The following BRWD3 variants were observed in gnomAD, a reference collection of about 807,000 sequenced individuals.
The protein encoded by BRWD3 is bromodomain and WD repeat-containing protein 3.
Under a neutral mutation model 149.7 loss-of-function variants are expected in BRWD3, and 10 were observed. The ratio of observed to expected loss-of-function variants is 0.07; its 90% CI spans 0.04 to 0.11. The LOEUF (loss-of-function observed/expected upper bound fraction) is 0.11. BRWD3 is among the 10% of genes least tolerant of loss of function. The pLI is 1.00. For missense variants in BRWD3, 940 were observed against 1,373.2 expected, an observed-to-expected ratio of 0.68 and a Z score of 4.99; for synonymous variants, 504 against 456.7, an observed-to-expected ratio of 1.10 and a Z score of -1.32.
At chrX:80,754,852 C>CA (rs1238714993) in intron 6 of BRWD3, among the ~76,000 whole-genome samples, 4 of 110,860 alleles carry the variant, frequency 3.6e-5, no homozygotes, top group Non-Finnish European at 5.7e-5. Context: ...ACTAAAATAA[C>CA]AAAAAATTAG....
At chrX:80,789,823 T>C (rs2074159564) in intron 6 of BRWD3, among the ~76,000 whole-genome samples, 1 of 106,266 alleles carries the variant, frequency 9.4e-6, no homozygotes, top group Admixed American at 1.0e-4. Flanking sequence ...TGGAACTCCT[T>C]TTTTTTTTTT....
chrX:80,730,089 G>A (rs1452805846), intron 12 of BRWD3, 69 bp from the exon 13 acceptor site: 9 of 733,025 alleles, frequency 1.2e-5, no homozygotes, highest in Admixed American at 2.5e-5. Flanking sequence ...GATAATATAA[G>A]TAACACATTA....
intron 14 of BRWD3, among the ~76,000 whole-genome samples, chrX:80,725,987 A>C (rs73504605): frequency 2.0e-5 from 2 of 100,584 alleles, no homozygotes; most frequent in East Asian, 6.4e-4. Flanking sequence ...TTATATGTCT[A>C]TATAACATAA....
rs774462148 is a variant in BRWD3, at chrX:80,684,529, T to C, written c.4081-367A>G. On this transcript the variant is annotated intron_variant, in intron 36 of 40. Coordinates refer to ENST00000373275, the MANE Select transcript of BRWD3 (RefSeq NM_153252.5). ...ATGGGATTATTCACATATGATTAAA[T>C]TGTTCCACTCTACAAATTAGGCACA... is the stretch of plus-strand genomic sequence containing the variant. Among the ~76,000 whole-genome samples, 164 of 112,198 alleles carry C rather than the reference T, an allele frequency of 1.5e-3. 1 individual carries two copies. The highest frequency in any genetic ancestry group is 2.7e-3 in the Non-Finnish European group (146 of 53,103).
intron 7 of BRWD3, 95 bp from the exon 8 acceptor site, chrX:80,744,348 C>G: frequency 1.6e-6 from 1 of 633,568 alleles, no homozygotes; most frequent in South Asian, 2.5e-5. Flanking sequence ...TATTAAATTA[C>G]TTCTAAGCCT....
intron 6 of BRWD3, among the ~76,000 whole-genome samples, chrX:80,772,126 G>C (rs139381903): frequency 1.8e-5 from 2 of 111,495 alleles, no homozygotes; most frequent in African/African-American, 6.5e-5. Flanking sequence ...GGGTATATAC[G>C]CAAAGGATTA....
At chrX:80,773,116 T>C (rs1326622858) in intron 6 of BRWD3, among the ~76,000 whole-genome samples, 2 of 111,516 alleles carry the variant, frequency 1.8e-5, no homozygotes, top group Non-Finnish European at 3.8e-5. Context: ...TATAAAAGAG[T>C]AACATGATGA....
chrX:80,748,619 CTTTTG>C (rs769327320), intron 6 of BRWD3, among the ~76,000 whole-genome samples: 104 of 111,217 alleles, frequency 9.4e-4, no homozygotes, highest in Non-Finnish European at 4.5e-4. Context: ...TGAGTCTTTT[CTTTTG>C]TTTTTTTTCC....
Position 80,809,740 on chromosome X carries a change from G to GA in BRWD3, c.-270dup. ...GTGAGTGAGAGAGAGAGAGAGAAGA[G>GA]AGAGAGAGAGAGAGGAAAAAGAGAG... is the stretch of plus-strand genomic sequence containing the variant. On this transcript the variant is annotated 5_prime_UTR_variant, in exon 1 of 41. Coordinates refer to ENST00000373275, the MANE Select transcript of BRWD3 (RefSeq NM_153252.5). 6 of 146,176 alleles carry GA rather than the reference G, an allele frequency of 4.1e-5. No homozygotes were observed. In the East Asian group the frequency reaches 6.6e-4, roughly 16 times the overall value. 12.0% of individuals were successfully genotyped at this position (146,176 alleles called of 1,213,427 possible). A position where few individuals can be genotyped will look rare whatever the true frequency, so the allele number is the denominator to read the frequency against.
At chrX:80,727,132 T>C (rs1334409106) in intron 14 of BRWD3, among the ~76,000 whole-genome samples, 2 of 110,269 alleles carry the variant, frequency 1.8e-5, no homozygotes, top group Non-Finnish European at 3.8e-5. Flanking sequence ...GCCATATTTG[T>C]ATTTAGTAAG....
At position 80,742,545 on chromosome X, in the gene BRWD3, C is replaced by A. The variant is rs1171085687; in HGVS notation, c.813+1487G>T. On this transcript the variant is annotated intron_variant, in intron 8 of 40. Coordinates refer to ENST00000373275, the MANE Select transcript of BRWD3 (RefSeq NM_153252.5). ...TACCCATGAGCATGGAATGTTCTTC[C>A]ATTTGTTTGTATCCTCTTTTATTTC... Among the ~76,000 whole-genome samples, 6 of 110,249 alleles carry A rather than the reference C, an allele frequency of 5.4e-5. No homozygotes were observed. The East Asian group carries it at 1.7e-3, about 31-fold the overall frequency.
At chrX:80,712,283 T>A in intron 20 of BRWD3, among the ~76,000 whole-genome samples, 1 of 110,880 alleles carries the variant, frequency 9.0e-6, no homozygotes, top group Admixed American at 9.5e-5. Flanking sequence ...CGAGTGCCTG[T>A]GATTGCAGGC....
chrX:80,741,847 C>T (rs1602381465), intron 8 of BRWD3, among the ~76,000 whole-genome samples: 1 of 111,644 alleles, frequency 9.0e-6, no homozygotes, highest in East Asian at 2.8e-4. Context: ...AAACTTTCTC[C>T]CATTCTGTAG....
chrX:80,798,474 C>G (rs1288480911), intron 4 of BRWD3, among the ~76,000 whole-genome samples: 2 of 111,060 alleles, frequency 1.8e-5, no homozygotes, highest in Non-Finnish European at 1.9e-5. Context: ...ATAAACCACT[C>G]TTTTTGTTTA....
intron 12 of BRWD3, among the ~76,000 whole-genome samples, chrX:80,731,857 T>G (rs1013942881): frequency 1.2e-4 from 11 of 88,762 alleles, no homozygotes; most frequent in Non-Finnish European, 1.7e-4. Context: ...ATCACACCAC[T>G]GCACTCCAGC....
chrX:80,785,679 C>T (rs761933323), intron 6 of BRWD3, among the ~76,000 whole-genome samples: 5 of 112,004 alleles, frequency 4.5e-5, no homozygotes, highest in Non-Finnish European at 9.4e-5. Context: ...TAAAGTGAGT[C>T]GCTAAAATCA....
Position 80,704,696 on chromosome X carries a change from A to G in BRWD3, c.2703T>C (p.Pro901=). 1.7e-6 allele frequency: 2 copies of G among 1,211,216 alleles called. No individual in the cohort carries two copies. The highest frequency in any genetic ancestry group is 2.2e-6 in the Non-Finnish European group (2 of 895,007). Residue 901 remains proline, a synonymous_variant, in exon 23 of 41, where the codon CCT becomes CCC. Transcript: ENST00000373275. Reference sequence around the variant, plus strand: ...TACAAACCTTCTTTCTAGTCTGCTTAGGTTTCTTCTGCCTTTCTTCTAGGG... The same window carrying G: ...TACAAACCTTCTTTCTAGTCTGCTTGGGTTTCTTCTGCCTTTCTTCTAGGG... ...LKSLEERQKK[P]KQTRKKKGGL...
chrX:80,707,458 C>A lies in BRWD3; in HGVS notation c.2521G>T (p.Val841Phe). Residue 841 changes from valine (V) to phenylalanine (F), a missense_variant, in exon 22 of 41, where the codon GTT (valine) becomes TTT (phenylalanine). Coordinates refer to ENST00000373275, the MANE Select transcript of BRWD3 (RefSeq NM_153252.5). The stretch of plus-strand genomic sequence containing the variant: ...GAACTTTCACTTTGCCATTCAACAA[C>A]AGGATCCTCTACCGAAGCGTCACTT... The part of the protein sequence containing the change: ...GTSDASVEDP[V>F]VEWQSESSSS... 1 of 1,211,871 alleles carries A rather than the reference C, an allele frequency of 8.3e-7. No homozygotes were observed. The highest frequency in any genetic ancestry group is 1.1e-6 in the Non-Finnish European group (1 of 895,289).
intron 6 of BRWD3, among the ~76,000 whole-genome samples, chrX:80,786,223 T>G (rs2074106223): frequency 9.0e-6 from 1 of 111,417 alleles, no homozygotes; most frequent in African/African-American, 3.3e-5. Flanking sequence ...ATTTCTCAGT[T>G]GCAATCATCT....
Sources: allele counts gnomAD v4.1 joint callset (sites outside exome capture counted in the v4.1 genomes callset), GRCh38; gene constraint gnomAD v4.1.1; transcripts MANE v1.5; gene names NCBI Gene and HGNC (gene_info 2026-07-23, HGNC 2026-07-21).